The following ZDHHC7 variants were observed in gnomAD, a reference collection of about 807,000 sequenced individuals.
ZDHHC7 encodes zDHHC palmitoyltransferase 7.
In ZDHHC7, 12 loss-of-function variants were observed where a neutral mutation model predicts 34.1. That is an observed-to-expected ratio of 0.35 (90% CI 0.23 to 0.57). The LOEUF (loss-of-function observed/expected upper bound fraction) is 0.57. Among genes scored for constraint, ZDHHC7 ranks in the 20% least tolerant of loss-of-function variants. ZDHHC7 has a pLI of 0.84. For missense variants in ZDHHC7, 388 were observed against 402.7 expected, an observed-to-expected ratio of 0.96 and a Z score of 0.31; for synonymous variants, 185 against 155.4, an observed-to-expected ratio of 1.19 and a Z score of -1.42.
At chr16:85,022,468 A>T in the ZDHHC7 span, among the ~76,000 whole-genome samples, 4 of 152,174 alleles carry the variant, frequency 2.6e-5, no homozygotes, top group Non-Finnish European at 5.9e-5. Flanking sequence ...GGTTGCAGTG[A>T]GCTGAGATTG....
intron 2 of ZDHHC7, among the ~76,000 whole-genome samples, chr16:84,993,262 A>G (rs1221162338): frequency 1.3e-5 from 2 of 152,104 alleles, no homozygotes; most frequent in Non-Finnish European, 2.9e-5. Flanking sequence ...TGGAGGCTGC[A>G]GTGAGCCATG....
At chr16:84,976,656 T>G in intron 7 of ZDHHC7, 137 bp from the exon 8 acceptor site, 1 of 1,262,850 alleles carries the variant, frequency 7.9e-7, no homozygotes, top group Non-Finnish European at 1.1e-6. Flanking sequence ...TTCCCAGCTC[T>G]GCCCCGATCC....
chr16:85,021,327 G>A, the ZDHHC7 span, among the ~76,000 whole-genome samples: 5 of 145,080 alleles, frequency 3.4e-5, no homozygotes, highest in African/African-American at 5.2e-5. Flanking sequence ...CAGAAGAATC[G>A]TTTGAACCCA....
intron 4 of ZDHHC7, 44 bp downstream of exon 4, chr16:84,981,826 C>G (rs370745262): frequency 6.2e-7 from 1 of 1,612,226 alleles, no homozygotes; most frequent in South Asian, 1.1e-5. Context: ...CACACGTACC[C>G]GCAGTGGCGG....
chr16:85,020,646 C>T, the ZDHHC7 span, among the ~76,000 whole-genome samples: 2 of 152,016 alleles, frequency 1.3e-5, no homozygotes, highest in African/African-American at 4.8e-5. Flanking sequence ...TCTTTAAGGC[C>T]CTGCGAGGGT....
At chr16:85,001,184 A>G (rs896218167) in intron 1 of ZDHHC7, among the ~76,000 whole-genome samples, 1 of 152,058 alleles carries the variant, frequency 6.6e-6, no homozygotes, top group African/African-American at 2.4e-5. Flanking sequence ...TTAAAAGATA[A>G]CTGGGGCCGG....
rs1398493614 is a variant in ZDHHC7, at chr16:84,975,231, G to A, written c.*1112C>T. ...GCGCCATCCTGGCCATTCCCGACTG[G>A]AGCGCTGCCTGCGGTGGCACAGTCG... On this transcript the variant is annotated 3_prime_UTR_variant, in exon 8 of 8. Coordinates refer to ENST00000313732, the MANE Select transcript of ZDHHC7 (RefSeq NM_017740.3). 2.0e-5 allele frequency: 3 copies of A among 152,688 alleles called. No individual in the cohort carries two copies. The highest frequency in any genetic ancestry group is 4.4e-5 in the Non-Finnish European group (3 of 68,086). 9.5% of individuals were successfully genotyped at this position (152,688 alleles called of 1,614,324 possible). A position where few individuals can be genotyped will look rare whatever the true frequency, so the allele number is the denominator to read the frequency against.
intron 3 of ZDHHC7, among the ~76,000 whole-genome samples, chr16:84,982,986 C>T (rs1444970772): frequency 2.0e-5 from 3 of 152,188 alleles, no homozygotes; most frequent in Non-Finnish European, 4.4e-5. Context: ...GTTCTTTGGG[C>T]AGTGGAGATA....
At chr16:84,983,886 CAGCT>C (rs2072402607) in intron 3 of ZDHHC7, among the ~76,000 whole-genome samples, 1 of 150,954 alleles carries the variant, frequency 6.6e-6, no homozygotes, top group Non-Finnish European at 1.5e-5. Flanking sequence ...TGTAATATCC[CAGCT>C]ACTCGGGAGG....
chr16:84,989,005 G>T (rs1183879241), intron 3 of ZDHHC7: 2 of 886,794 alleles, frequency 2.3e-6, no homozygotes, highest in Middle Eastern at 3.0e-4. Flanking sequence ...GAAGGAGAGG[G>T]CGGAGACACA....
chr16:84,985,566 G>T (rs981507732), intron 3 of ZDHHC7, among the ~76,000 whole-genome samples: 5 of 152,204 alleles, frequency 3.3e-5, no homozygotes, highest in African/African-American at 1.2e-4. Context: ...GCAGGGACCA[G>T]AGAGATTAAT....
chr16:85,005,972 G>A (rs1489463875), intron 1 of ZDHHC7, among the ~76,000 whole-genome samples: 2 of 151,934 alleles, frequency 1.3e-5, no homozygotes, highest in Non-Finnish European at 2.9e-5. Flanking sequence ...CCAAATTTAG[G>A]CAGCCCTCAT....
At chr16:85,021,270 G>C in the ZDHHC7 span, among the ~76,000 whole-genome samples, 1 of 151,830 alleles carries the variant, frequency 6.6e-6, no homozygotes, top group Non-Finnish European at 1.5e-5. Flanking sequence ...AAATTAGTTG[G>C]GTGTGGTGGC....
At chr16:84,996,050 A>T (rs1406682916) in intron 1 of ZDHHC7, 43 bp from the exon 2 acceptor site, 1 of 152,192 alleles carries the variant, frequency 6.6e-6, no homozygotes, top group Non-Finnish European at 1.5e-5. Context: ...GATTTATTTT[A>T]TGACAGACGT....
chr16:84,975,552 G>A lies in ZDHHC7; in HGVS notation c.*791C>T, dbSNP rs1376941821. The A allele has an allele frequency of 6.6e-6, 1 of 152,666 alleles. No individual in the cohort carries two copies. The highest frequency in any genetic ancestry group is 1.5e-5 in the Non-Finnish European group (1 of 68,044). The allele number at this position is 152,666 out of a possible 1,614,324, so 9.5% of individuals were successfully genotyped here. A position where few individuals can be genotyped will look rare whatever the true frequency, so the allele number is the denominator to read the frequency against. Reference sequence around the variant, plus strand: ...GCCGCACAGGAACGGCTGTTCTTTGGATCGAGATGTCCTCCAACAGCAATA... The same window carrying A: ...GCCGCACAGGAACGGCTGTTCTTTGAATCGAGATGTCCTCCAACAGCAATA... On this transcript the variant is annotated 3_prime_UTR_variant, in exon 8 of 8. Coordinates refer to ENST00000313732, the MANE Select transcript of ZDHHC7 (RefSeq NM_017740.3).
At chr16:85,008,267 G>GCAAT (rs756353127) in intron 1 of ZDHHC7, among the ~76,000 whole-genome samples, 10 of 152,076 alleles carry the variant, frequency 6.6e-5, no homozygotes, top group Middle Eastern at 3.4e-3. Context: ...AACCATGTGG[G>GCAAT]CAATCAATCA....
At chr16:84,985,871 C>T (rs540314365) in intron 3 of ZDHHC7, among the ~76,000 whole-genome samples, 5 of 145,602 alleles carry the variant, frequency 3.4e-5, no homozygotes, top group Non-Finnish European at 6.0e-5. Context: ...GACAGAATCG[C>T]TTGAACCCAA....
chr16:85,000,066 G>C (rs1024652475), intron 1 of ZDHHC7, among the ~76,000 whole-genome samples: 1 of 151,992 alleles, frequency 6.6e-6, no homozygotes. Flanking sequence ...CTTGAGTCTC[G>C]GAGGTCGAGG....
the ZDHHC7 span, among the ~76,000 whole-genome samples, chr16:85,021,542 C>T: frequency 6.6e-6 from 1 of 151,404 alleles, no homozygotes; most frequent in East Asian, 2.0e-4. Context: ...AACCTTGTCT[C>T]TACTAAAGAA....
Sources: gnomAD v4.1 joint callset for allele counts (sites outside exome capture counted in the v4.1 genomes callset) on GRCh38, gnomAD v4.1.1 for gene constraint, MANE v1.5 for transcripts, NCBI Gene and HGNC (gene_info 2026-07-23, HGNC 2026-07-21) for gene names.